KLF12: variants seen among roughly 807,000 people sequenced by gnomAD.
The protein encoded by KLF12 is Krueppel-like factor 12.
Under a neutral mutation model 37.8 loss-of-function variants are expected in KLF12, and 9 were observed. The observed-to-expected ratio is 0.24, with a 90% CI of 0.14 to 0.42. The LOEUF is 0.42. Among genes scored for constraint, KLF12 ranks in the 10% least tolerant of loss-of-function variants. The probability of loss-of-function intolerance (pLI) is 1.00; values close to 1 mark genes in which losing one functional copy is unlikely to be tolerated. For synonymous variants in KLF12, 208 were observed against 202.1 expected (o/e 1.03, Z -0.25); for missense variants, 411 against 516.0 (o/e 0.80, Z 1.97).
chr13:73,886,233 T>C (rs1051049772), intron 3 of KLF12, among the ~76,000 whole-genome samples: 2 of 152,204 alleles, frequency 1.3e-5, no homozygotes, highest in East Asian at 1.9e-4. Context: ...ATTCTGACTA[T>C]ATAGTTAAAT....
intron 6 of KLF12, among the ~76,000 whole-genome samples, chr13:73,757,975 C>T (rs1039833982): frequency 2.0e-5 from 3 of 152,098 alleles, no homozygotes; most frequent in African/African-American, 7.2e-5. Flanking sequence ...TATTGAGACA[C>T]AGTCTTTTTT....
intron 2 of KLF12, among the ~76,000 whole-genome samples, chr13:73,960,801 G>A (rs1890999325): frequency 6.6e-6 from 1 of 152,116 alleles, no homozygotes; most frequent in South Asian, 2.1e-4. Flanking sequence ...ATGTTATACT[G>A]TTAACTCATC....
intron 2 of KLF12, among the ~76,000 whole-genome samples, chr13:73,977,780 A>G (rs1434737845): frequency 1.3e-5 from 2 of 152,232 alleles, no homozygotes; most frequent in Non-Finnish European, 2.9e-5. Flanking sequence ...AAACAAATAG[A>G]TTAGTGGAAC....
At chr13:73,743,584 T>C (rs1323043723) in intron 6 of KLF12, among the ~76,000 whole-genome samples, 1 of 152,176 alleles carries the variant, frequency 6.6e-6, no homozygotes, top group Non-Finnish European at 1.5e-5. Context: ...CGTTCTCCCA[T>C]TCATTAAAGT....
At chr13:73,835,285 T>C (rs149178098) in intron 4 of KLF12, among the ~76,000 whole-genome samples, 128 of 152,248 alleles carry the variant, frequency 8.4e-4, no homozygotes, top group Admixed American at 1.4e-3. Flanking sequence ...AATAACTAGA[T>C]TACCTAGAGT....
At chr13:74,124,292 T>C (rs2138995297) in intron 1 of KLF12, among the ~76,000 whole-genome samples, 1 of 152,372 alleles carries the variant, frequency 6.6e-6, no homozygotes, top group African/African-American at 2.4e-5. Flanking sequence ...AATATCCACC[T>C]ACTTCAAGCT....
intron 3 of KLF12, among the ~76,000 whole-genome samples, chr13:73,919,768 T>C (rs1453081711): frequency 6.6e-6 from 1 of 152,216 alleles, no homozygotes; most frequent in Non-Finnish European, 1.5e-5. Context: ...CATAACTTCA[T>C]AAGGATTTGC....
intron 1 of KLF12, among the ~76,000 whole-genome samples, chr13:74,121,775 G>A (rs1026115725): frequency 2.0e-5 from 3 of 151,954 alleles, no homozygotes; most frequent in Non-Finnish European, 2.9e-5. Context: ...CTAGTTGCAA[G>A]TATTAGAATA....
chr13:74,041,387 C>G (rs1893398245), intron 1 of KLF12, among the ~76,000 whole-genome samples: 1 of 152,214 alleles, frequency 6.6e-6, no homozygotes, highest in African/African-American at 2.4e-5. Flanking sequence ...TTTTATTTCT[C>G]TTTTTGTGAT....
chr13:74,053,959 T>C (rs754302192), intron 1 of KLF12, among the ~76,000 whole-genome samples: 4 of 152,138 alleles, frequency 2.6e-5, no homozygotes, highest in Admixed American at 1.3e-4. Flanking sequence ...AATATTACTA[T>C]GAACATTTAG....
intron 6 of KLF12, among the ~76,000 whole-genome samples, chr13:73,717,102 T>C (rs529304516): frequency 6.6e-6 from 1 of 152,356 alleles, no homozygotes; most frequent in East Asian, 1.9e-4. Flanking sequence ...ATTCTGCAAC[T>C]GTATCATGAA....
At chr13:73,748,613 G>A (rs1359930255) in intron 6 of KLF12, among the ~76,000 whole-genome samples, 1 of 152,176 alleles carries the variant, frequency 6.6e-6, no homozygotes, top group East Asian at 1.9e-4. Flanking sequence ...GCTTGCTGTT[G>A]GACTTCCCAG....
chr13:74,152,555 G>A, the KLF12 span, among the ~76,000 whole-genome samples: 1 of 151,994 alleles, frequency 6.6e-6, no homozygotes, highest in African/African-American at 2.4e-5. Flanking sequence ...AGGGCTCTTA[G>A]GCTGGGCAAC....
chr13:73,796,354 C>T (rs1343543435), intron 5 of KLF12, among the ~76,000 whole-genome samples: 1 of 143,296 alleles, frequency 7.0e-6, no homozygotes, highest in African/African-American at 2.6e-5. Flanking sequence ...TAGATCTGTA[C>T]TATCTCTAGT....
intron 3 of KLF12, among the ~76,000 whole-genome samples, chr13:73,906,943 G>A (rs1288953132): frequency 1.3e-5 from 2 of 152,144 alleles, no homozygotes; most frequent in African/African-American, 4.8e-5. Flanking sequence ...TATTCAAATA[G>A]TGATGTTTAT....
At chr13:73,906,452 T>A (rs1412615108) in intron 3 of KLF12, among the ~76,000 whole-genome samples, 1 of 152,340 alleles carries the variant, frequency 6.6e-6, no homozygotes, top group African/African-American at 2.4e-5. Flanking sequence ...ACCTGCCTCT[T>A]AATCTATTCC....
intron 3 of KLF12, among the ~76,000 whole-genome samples, chr13:73,917,544 A>G (rs1430677241): frequency 1.3e-5 from 2 of 152,246 alleles, no homozygotes; most frequent in African/African-American, 4.8e-5. Flanking sequence ...TATACTATGT[A>G]CCAAGTTGGA....
At chr13:74,105,014 T>A (rs7989207) in intron 1 of KLF12, among the ~76,000 whole-genome samples, 4,373 of 152,188 alleles carry the variant, frequency 0.029, 201 homozygotes, top group African/African-American at 0.099. Context: ...AGCTGCAGAG[T>A]CCACAGGGAG....
intron 3 of KLF12, among the ~76,000 whole-genome samples, chr13:73,871,633 G>A (rs1886470003): frequency 6.6e-6 from 1 of 151,980 alleles, no homozygotes; most frequent in Non-Finnish European, 1.5e-5. Flanking sequence ...TCACACATTC[G>A]CTATCTCTGA....
Sources: gnomAD v4.1 joint callset for allele counts (sites outside exome capture counted in the v4.1 genomes callset) on GRCh38, gnomAD v4.1.1 for gene constraint, MANE v1.5 for transcripts, NCBI Gene and HGNC (gene_info 2026-07-23, HGNC 2026-07-21) for gene names.